TTC29: variants seen among roughly 807,000 people sequenced by gnomAD.
The protein encoded by TTC29 is tetratricopeptide repeat protein 29.
Under a neutral mutation model 58.1 loss-of-function variants are expected in TTC29, and 49 were observed. The observed-to-expected ratio is 0.84, with a 90% CI of 0.67 to 1.07. The LOEUF is 1.07. Ranked by LOEUF, TTC29 falls within the 50% of genes least tolerant of loss-of-function variation. The pLI is 0.00. For missense variants in TTC29, 582 were observed against 555.6 expected (o/e 1.05, Z -0.48); for synonymous variants, 209 against 196.8 (o/e 1.06, Z -0.52).
At chr4:146,724,346 C>T (rs181384722) in intron 11 of TTC29, among the ~76,000 whole-genome samples, 1 of 152,092 alleles carries the variant, frequency 6.6e-6, no homozygotes, top group East Asian at 1.9e-4. Flanking sequence ...AAGTAACAAA[C>T]CTGCATGTGT....
At chr4:146,730,387 G>A (rs941997965) in intron 11 of TTC29, among the ~76,000 whole-genome samples, 3 of 152,114 alleles carry the variant, frequency 2.0e-5, no homozygotes, top group Admixed American at 6.6e-5. Context: ...TAGGAATTAT[G>A]TACACAAGTG....
At chr4:146,903,415 G>T in intron 6 of TTC29, 129 bp downstream of exon 6, 1 of 782,034 alleles carries the variant, frequency 1.3e-6, no homozygotes, top group Non-Finnish European at 1.9e-6. Context: ...TTTGCTTTTT[G>T]ATCTCAATAA....
At chr4:146,936,372 T>A (rs1473495682) in intron 4 of TTC29, among the ~76,000 whole-genome samples, 1 of 152,136 alleles carries the variant, frequency 6.6e-6, no homozygotes, top group Non-Finnish European at 1.5e-5. Flanking sequence ...TAATTCCAAT[T>A]ATTAAGCCAA....
chr4:146,723,167 G>A (rs926850746), intron 11 of TTC29, among the ~76,000 whole-genome samples: 3 of 151,922 alleles, frequency 2.0e-5, no homozygotes, highest in African/African-American at 7.3e-5. Context: ...AGAATCACTT[G>A]AACTGGGAGG....
At chr4:146,785,057 C>T (rs115996726) in intron 11 of TTC29, among the ~76,000 whole-genome samples, 294 of 152,192 alleles carry the variant, frequency 1.9e-3, no homozygotes, top group African/African-American at 6.8e-3. Context: ...TGCTGCATTG[C>T]TGCATGTTTG....
intron 10 of TTC29, among the ~76,000 whole-genome samples, chr4:146,817,481 C>T (rs1751491016): frequency 6.6e-6 from 1 of 152,064 alleles, no homozygotes; most frequent in African/African-American, 2.4e-5. Context: ...TAGGAAGAAT[C>T]AATATTGTGA....
At chr4:146,752,208 C>G (rs979861295) in intron 11 of TTC29, among the ~76,000 whole-genome samples, 2 of 151,710 alleles carry the variant, frequency 1.3e-5, no homozygotes, top group Non-Finnish European at 2.9e-5. Context: ...TGATAAGCAA[C>G]TTCAGCAAAG....
At position 146,883,596 on chromosome 4, in the gene TTC29, T is replaced by G. The variant is rs149911353; in HGVS notation, c.587-8668A>C. Among the ~76,000 whole-genome samples, 3 of 152,190 alleles carry G rather than the reference T, an allele frequency of 2.0e-5. No homozygotes were observed. In the East Asian group the frequency reaches 5.8e-4, roughly 29 times the overall value. On this transcript the variant is annotated intron_variant, in intron 6 of 12. Coordinates refer to ENST00000325106, the MANE Select transcript of TTC29 (RefSeq NM_031956.4). Reference sequence around the variant, plus strand: ...CTGGTCAGTTGTACCTCTGAAGAGATATTTTAGGGGCAGTGCCTCTTCCTA... The same window carrying G: ...CTGGTCAGTTGTACCTCTGAAGAGAGATTTTAGGGGCAGTGCCTCTTCCTA...
chr4:146,744,394 G>A (rs1048462465), intron 11 of TTC29, among the ~76,000 whole-genome samples: 2 of 151,850 alleles, frequency 1.3e-5, no homozygotes, highest in Non-Finnish European at 2.9e-5. Flanking sequence ...AGAGGAGGAG[G>A]ATGAGGAAAG....
Position 146,903,735 on chromosome 4 carries a change from AAG to A in TTC29, c.401-8_401-7del. 6.4e-7 allele frequency: 1 copy of A among 1,552,986 alleles called. No individual in the cohort carries two copies. Among genetic ancestry groups the A allele is most frequent in the Non-Finnish European group, 8.7e-7 (1 of 1,148,994 alleles). On this transcript the variant is annotated splice_region_variant and splice_polypyrimidine_tract_variant and intron_variant, in intron 5 of 12. Coordinates refer to ENST00000325106, the MANE Select transcript of TTC29 (RefSeq NM_031956.4). ...ATGTACATCTTCGAAGGATTCTTCAAAGAGAGAAAAGCACCATGAATGGCATT... is the reference window on the plus strand; with the variant it reads ...ATGTACATCTTCGAAGGATTCTTCAAAGAGAAAAGCACCATGAATGGCATT...
chr4:146,872,387 G>A (rs183408938), intron 7 of TTC29, among the ~76,000 whole-genome samples: 6 of 151,976 alleles, frequency 3.9e-5, no homozygotes, highest in East Asian at 1.9e-4. Context: ...AAAACTAGAC[G>A]AACTGAACTT....
chr4:146,783,551 G>T (rs1748777746), intron 11 of TTC29, among the ~76,000 whole-genome samples: 1 of 152,038 alleles, frequency 6.6e-6, no homozygotes, highest in South Asian at 2.1e-4. Flanking sequence ...AGAATAATCT[G>T]CGATGCCTTA....
intron 11 of TTC29, among the ~76,000 whole-genome samples, chr4:146,721,703 C>T (rs1025847076): frequency 1.3e-5 from 2 of 151,960 alleles, no homozygotes; most frequent in Non-Finnish European, 2.9e-5. Context: ...ATAGTAAAGA[C>T]AAAGCTGTGG....
chr4:146,823,592 T>G (rs1038454468), intron 9 of TTC29, among the ~76,000 whole-genome samples: 1 of 152,196 alleles, frequency 6.6e-6, no homozygotes, highest in Non-Finnish European at 1.5e-5. Context: ...GGGGTCTTCT[T>G]TGATTCCACA....
At chr4:146,926,643 A>G (rs72733743) in intron 4 of TTC29, among the ~76,000 whole-genome samples, 43,132 of 151,670 alleles carry the variant, frequency 0.28, 6,563 homozygotes, top group South Asian at 0.41. Flanking sequence ...TTACATTTTT[A>G]GTAGAGACAG....
chr4:146,909,347 C>T (rs3810844), intron 4 of TTC29, 98 bp from the exon 5 acceptor site: 303,736 of 945,890 alleles, frequency 0.32, 50,614 homozygotes, highest in South Asian at 0.42. Flanking sequence ...ATCATGTTGC[C>T]TTTTATCCCT....
Position 146,820,247 on chromosome 4 carries a change from G to A in TTC29, c.979C>T (p.Gln327Ter). 1 of 1,610,286 alleles carries A rather than the reference G, an allele frequency of 6.2e-7. No homozygotes were observed. ...YEAIAKVLQS[Q>*]GEMTEAIKYL... ...TTAATTGCTTCTGTCATCTCTCCTT[G>A]GCTAGAATGAATGAAATAGGAAGTC... Residue 327 changes from glutamine to a stop codon, truncating the protein, a stop_gained and splice_region_variant, in exon 10 of 13, where the codon CAA becomes TAA. Coordinates refer to ENST00000325106, the MANE Select transcript of TTC29 (RefSeq NM_031956.4). LOFTEE classifies it high-confidence loss of function.
chr4:146,733,135 G>A (rs1744462896), intron 11 of TTC29, among the ~76,000 whole-genome samples: 1 of 152,100 alleles, frequency 6.6e-6, no homozygotes, highest in South Asian at 2.1e-4. Flanking sequence ...AAAAGGATAT[G>A]TGGAGAACCT....
rs577168622 is a variant in TTC29 at position 146,821,666 on chromosome 4, G to T, written c.978-1418C>A. Among the ~76,000 whole-genome samples the T allele has an allele frequency of 4.6e-5, 7 of 152,286 alleles. No individual in the cohort carries two copies. The East Asian group carries it at 1.4e-3, about 29-fold the overall frequency. ...AAAATTTGAGAAGGGAGACACATATGCTGCACACATGAAAGCTAAGCATCC... is the reference window on the plus strand; with the variant it reads ...AAAATTTGAGAAGGGAGACACATATTCTGCACACATGAAAGCTAAGCATCC... On this transcript the variant is annotated intron_variant, in intron 9 of 12. Transcript: ENST00000325106.
Sources: allele counts gnomAD v4.1 joint callset (sites outside exome capture counted in the v4.1 genomes callset), GRCh38; gene constraint gnomAD v4.1.1; transcripts MANE v1.5; gene names NCBI Gene and HGNC (gene_info 2026-07-23, HGNC 2026-07-21).